Variants in TOM1L2 observed in about 807,000 individuals in gnomAD.
TOM1L2 encodes target of myb1 like 2 membrane trafficking protein.
A neutral mutation model predicts 67.9 loss-of-function variants in TOM1L2; 31 were observed. That is an observed-to-expected ratio of 0.46 (90% CI 0.34 to 0.62). TOM1L2 has a LOEUF of 0.62. Among genes scored for constraint, TOM1L2 ranks in the 20% least tolerant of loss-of-function variants. TOM1L2 has a pLI of 0.01. For synonymous variants in TOM1L2, 256 were observed against 254.0 expected, an observed-to-expected ratio of 1.01 and a Z score of -0.07; for missense variants, 606 against 663.5, an observed-to-expected ratio of 0.91 and a Z score of 0.95.
chr17:17,963,464 C>T (rs962082156), intron 1 of TOM1L2, among the ~76,000 whole-genome samples: 1 of 152,202 alleles, frequency 6.6e-6, no homozygotes, highest in Non-Finnish European at 1.5e-5. Context: ...TGGAGAGGAC[C>T]GCTCCGCCTA....
At chr17:17,928,183 A>G (rs2040175037) in intron 1 of TOM1L2, among the ~76,000 whole-genome samples, 1 of 152,066 alleles carries the variant, frequency 6.6e-6, no homozygotes, top group East Asian at 1.9e-4. Flanking sequence ...AGGAGACAGC[A>G]TAAAACCATT....
chr17:17,949,025 G>A (rs905610003), intron 1 of TOM1L2, among the ~76,000 whole-genome samples: 4 of 152,182 alleles, frequency 2.6e-5, no homozygotes, highest in East Asian at 3.8e-4. Context: ...CAGAGTGACT[G>A]TCCCATAGAC....
intron 11 of TOM1L2, chr17:17,862,142 C>T (rs1343624390): frequency 1.3e-5 from 2 of 153,202 alleles, no homozygotes; most frequent in Non-Finnish European, 2.9e-5. Context: ...GATGCTGGGT[C>T]CCTGGGAAAG....
intron 4 of TOM1L2, among the ~76,000 whole-genome samples, chr17:17,893,407 C>T (rs2038392346): frequency 1.3e-5 from 2 of 152,250 alleles, no homozygotes; most frequent in South Asian, 2.1e-4. Flanking sequence ...GGCCACCCTA[C>T]CTGCCTTTGT....
At chr17:17,923,444 C>T (rs1278299457) in intron 1 of TOM1L2, among the ~76,000 whole-genome samples, 1 of 152,058 alleles carries the variant, frequency 6.6e-6, no homozygotes, top group Non-Finnish European at 1.5e-5. Flanking sequence ...CAACAACAAA[C>T]ACCCATGGTA....
chr17:17,850,972 C>T lies in TOM1L2; in HGVS notation c.1279-20G>A, dbSNP rs772037979. The T allele has an allele frequency of 5.0e-6, 8 of 1,613,042 alleles. No individual in the cohort carries two copies. The highest frequency in any genetic ancestry group is 2.2e-5 in the East Asian group (1 of 44,890). The stretch of plus-strand genomic sequence containing the variant: ...GGGGATCTATGGAGGCGGCAAGCAG[C>T]GGGCCAGGCAGCCCCCACACAGCCA... On this transcript the variant is annotated intron_variant, in intron 12 of 14. Transcript: ENST00000379504.
chr17:17,921,756 TG>T (rs1023811035), intron 1 of TOM1L2, among the ~76,000 whole-genome samples: 2 of 7,566 alleles, frequency 2.6e-4, no homozygotes, highest in Admixed American at 1.4e-3. Flanking sequence ...GGGGGCGGGG[TG>T]GGGGGGTGGG....
At chr17:17,917,123 G>A (rs1037302236) in intron 1 of TOM1L2, among the ~76,000 whole-genome samples, 7 of 152,068 alleles carry the variant, frequency 4.6e-5, no homozygotes, top group African/African-American at 1.7e-4. Context: ...TCACGCCACT[G>A]CACTCCAGCC....
chr17:17,859,145 C>CA (rs2036415839), intron 12 of TOM1L2: 3 of 152,130 alleles, frequency 2.0e-5, no homozygotes, highest in Non-Finnish European at 2.9e-5. Context: ...GGCATGATGT[C>CA]GGCTCACTGC....
Position 17,847,507 on chromosome 17 carries a change from G to T in TOM1L2, c.*128C>A. 5.5e-6 allele frequency: 7 copies of T among 1,275,764 alleles called. No homozygotes were observed. The highest frequency in any genetic ancestry group is 5.6e-4 in the Middle Eastern group (2 of 3,552). 79.0% of individuals were successfully genotyped at this position (1,275,764 alleles called of 1,614,324 possible). A position where few individuals can be genotyped will look rare whatever the true frequency, so the allele number is the denominator to read the frequency against. On this transcript the variant is annotated 3_prime_UTR_variant, in exon 15 of 15. Transcript: ENST00000379504. Reference sequence around the variant, plus strand: ...TAGTGGGAGGCCTGGGAGCAGACACGGTGGCATTTCCATGGAAACACAGGT... The same window carrying T: ...TAGTGGGAGGCCTGGGAGCAGACACTGTGGCATTTCCATGGAAACACAGGT...
Position 17,847,316 on chromosome 17 carries a change from C to T in TOM1L2, c.*319G>A, listed in dbSNP as rs2143416522. 2.9e-6 allele frequency: 1 copy of T among 346,322 alleles called. No homozygotes were observed. The highest frequency in any genetic ancestry group is 4.5e-5 in the Admixed American group (1 of 22,036). The allele number at this position is 346,322 out of a possible 1,614,324, so 21.5% of individuals were successfully genotyped here. On this transcript the variant is annotated 3_prime_UTR_variant, in exon 15 of 15. Transcript: ENST00000379504. The stretch of plus-strand genomic sequence containing the variant: ...TCTCCATGGGCGGGTGGAGGAAAGA[C>T]AGTCCGGGTGGTCTGCTCAGGAAGC...
intron 12 of TOM1L2, among the ~76,000 whole-genome samples, chr17:17,856,611 T>C (rs2036263743): frequency 6.6e-6 from 1 of 152,218 alleles, no homozygotes; most frequent in South Asian, 2.1e-4. Flanking sequence ...TAGCACACTA[T>C]GGGCAGTTAT....
chr17:17,928,119 T>C (rs1353164135), intron 1 of TOM1L2, among the ~76,000 whole-genome samples: 2 of 150,968 alleles, frequency 1.3e-5, no homozygotes, highest in Admixed American at 1.3e-4. Flanking sequence ...ATTATAGTCA[T>C]CTTTTTCCTT....
In TOM1L2 at chr17:17,843,864, G is replaced by C. The variant is rs1415341721; in HGVS notation, c.*3771C>G. 2 of 152,424 alleles carry C rather than the reference G, an allele frequency of 1.3e-5. No homozygotes were observed. The highest frequency in any genetic ancestry group is 1.3e-4 in the Admixed American group (2 of 15,294). The allele number at this position is 152,424 out of a possible 1,614,324, so 9.4% of individuals were successfully genotyped here. On this transcript the variant is annotated 3_prime_UTR_variant, in exon 15 of 15. Coordinates refer to ENST00000379504, the MANE Select transcript of TOM1L2 (RefSeq NM_001082968.2). ...CAGAAGCAGTTCTGACTCGGGGGCTGATGGCTGCTCCCTATGGCTGGTGGC... is the reference window on the plus strand; with the variant it reads ...CAGAAGCAGTTCTGACTCGGGGGCTCATGGCTGCTCCCTATGGCTGGTGGC...
intron 1 of TOM1L2, among the ~76,000 whole-genome samples, chr17:17,971,053 T>C (rs1164053573): frequency 6.6e-6 from 1 of 152,166 alleles, no homozygotes; most frequent in Admixed American, 6.5e-5. Flanking sequence ...GCTTTCCTTA[T>C]CCATGATTCT....
intron 2 of TOM1L2, among the ~76,000 whole-genome samples, chr17:17,905,888 G>T (rs986277629): frequency 1.3e-5 from 2 of 152,110 alleles, no homozygotes; most frequent in Non-Finnish European, 2.9e-5. Flanking sequence ...TCCCCAGTAT[G>T]TCGGTAACTT....
chr17:17,928,001 G>C (rs2040166827), intron 1 of TOM1L2, among the ~76,000 whole-genome samples: 1 of 152,096 alleles, frequency 6.6e-6, no homozygotes, highest in African/African-American at 2.4e-5. Context: ...ATGATGTCTG[G>C]GATTTACTGA....
intron 1 of TOM1L2, among the ~76,000 whole-genome samples, chr17:17,913,432 C>G (rs1162814723): frequency 6.6e-6 from 1 of 152,024 alleles, no homozygotes; most frequent in African/African-American, 2.4e-5. Context: ...AGCCCAGCCC[C>G]AGGCCAGGGC....
rs779175296 is a variant in TOM1L2, at chr17:17,972,265, G to A, written c.49C>T (p.Leu17Phe). ...CCTGCCCCACACGCGGCCTTACCGA[G>A]GCACTGCCCCACTGGTGTGCTGAAC... ...NPFSTPVGQC[L>F]EKATDGSLQS... Residue 17 changes from leucine (L) to phenylalanine (F), a missense_variant, in exon 1 of 15, where the codon CTC (leucine) becomes TTC (phenylalanine). Physicochemically the swap from Leu to Phe is conservative, Grantham distance 22 (BLOSUM62 0). Around this residue, in one of 2 missense-constraint regions of TOM1L2, gnomAD observed 63 missense variants for 109.5 expected, o/e 0.58. Transcript: ENST00000379504. 9 of 1,551,084 alleles carry A rather than the reference G, an allele frequency of 5.8e-6. No individual in the cohort carries two copies. In the South Asian group the frequency reaches 8.3e-5, roughly 14 times the overall value.
Sources: allele counts gnomAD v4.1 joint callset (sites outside exome capture counted in the v4.1 genomes callset), GRCh38; gene constraint gnomAD v4.1.1; regional missense constraint gnomAD v4.1.1; transcripts MANE v1.5; gene names NCBI Gene and HGNC (gene_info 2026-07-23, HGNC 2026-07-21).